IARS2: variants seen among roughly 807,000 people sequenced by gnomAD.
IARS2 encodes isoleucine--tRNA ligase, mitochondrial.
Under a neutral mutation model 126.3 loss-of-function variants are expected in IARS2, and 56 were observed. That is an observed-to-expected ratio of 0.44 (90% CI 0.36 to 0.55). IARS2 has a LOEUF of 0.55. IARS2 is among the 20% of genes least tolerant of loss of function. The pLI is 0.00. For missense variants in IARS2, 1,127 were observed against 1,245.9 expected (o/e 0.90, Z 1.44); for synonymous variants, 407 against 441.1 (o/e 0.92, Z 0.97).
In IARS2 at chr1:220,112,226, C is replaced by G. The variant is rs991602175; in HGVS notation, c.1479+1289C>G. Among the ~76,000 whole-genome samples the G allele has an allele frequency of 7.3e-4, 51 of 69,470 alleles. 9 individuals are homozygous for G. The highest frequency in any genetic ancestry group is 1.4e-3 in the Non-Finnish European group (48 of 33,380). The allele number at this position is 69,470 out of a possible 152,430, so 45.6% of individuals were successfully genotyped here. On this transcript the variant is annotated intron_variant, in intron 11 of 22. Transcript: ENST00000366922. ...CTCGGCTCACTGCAAGCTCCGCTTC[C>G]CGGGTTCACGCCATTCTCCTGCCTC...
At chr1:220,096,331 A>C (rs2102815375) in intron 2 of IARS2, 105 bp downstream of exon 2, 6 of 780,134 alleles carry the variant, frequency 7.7e-6, no homozygotes, top group East Asian at 5.8e-5. Context: ...TTAGATTTGC[A>C]CATAAAACTA....
intron 12 of IARS2, among the ~76,000 whole-genome samples, chr1:220,120,112 G>A (rs1657007367): frequency 7.4e-6 from 1 of 134,736 alleles, no homozygotes; most frequent in African/African-American, 2.8e-5. Flanking sequence ...TTGGAGTCTT[G>A]CTCTTGTTCC....
chr1:220,147,023 A>G (rs1657610775), intron 22 of IARS2, among the ~76,000 whole-genome samples: 1 of 152,178 alleles, frequency 6.6e-6, no homozygotes, highest in South Asian at 2.1e-4. Context: ...ACTTAGTTTT[A>G]TATTTTTATC....
At chr1:220,099,082 A>G (rs763018981) in intron 2 of IARS2, among the ~76,000 whole-genome samples, 20 of 151,954 alleles carry the variant, frequency 1.3e-4, no homozygotes, top group Admixed American at 2.6e-4. Flanking sequence ...GCATGGTGGC[A>G]TGTGCCTGTA....
chr1:220,134,500 G>A lies in IARS2; in HGVS notation c.1936G>A (p.Ala646Thr), dbSNP rs540857103. 4 of 1,610,006 alleles carry A rather than the reference G, an allele frequency of 2.5e-6. No individual in the cohort carries two copies. The East Asian group carries it at 8.9e-5, about 36-fold the overall frequency. Residue 646 changes from alanine to threonine, a missense_variant, in exon 15 of 23, where the codon GCA becomes ACA. Physicochemically the swap from Ala to Thr is moderately conservative, Grantham distance 58. Coordinates refer to ENST00000366922, the MANE Select transcript of IARS2 (RefSeq NM_018060.4). ...AACAAGTGTGGCAGCAAGGAAGAGAGCACCTTATAAGTAAGTATTTATGCC... is the reference window on the plus strand; with the variant it reads ...AACAAGTGTGGCAGCAAGGAAGAGAACACCTTATAAGTAAGTATTTATGCC... ...LLTSVAARKR[A>T]PYKTVIVHGF...
At chr1:220,108,734 G>A (rs965947508) in intron 10 of IARS2, among the ~76,000 whole-genome samples, 2 of 151,578 alleles carry the variant, frequency 1.3e-5, no homozygotes, top group Non-Finnish European at 2.9e-5. Context: ...GGCCAGGCTG[G>A]TCTCAAACTC....
At position 220,135,756 on chromosome 1, in the gene IARS2, T is replaced by C. The variant is rs148086686; in HGVS notation, c.1947-1053T>C. ...TTGTCTTTTGAAAATAATTTTGAGATGATAATCTGCTCTTTTTAAGACATA... is the reference window on the plus strand; with the variant it reads ...TTGTCTTTTGAAAATAATTTTGAGACGATAATCTGCTCTTTTTAAGACATA... On this transcript the variant is annotated intron_variant, in intron 15 of 22. Transcript: ENST00000366922. Among the ~76,000 whole-genome samples, 626 of 152,122 alleles carry C rather than the reference T, an allele frequency of 4.1e-3. 6 individuals are homozygous for C. Among genetic ancestry groups the C allele is most frequent in the African/African-American group, 0.014 (586 of 41,502 alleles).
intron 9 of IARS2, among the ~76,000 whole-genome samples, chr1:220,106,426 C>T (rs191626225): frequency 6.6e-6 from 1 of 151,966 alleles, no homozygotes; most frequent in Non-Finnish European, 1.5e-5. Flanking sequence ...CAAGTATTTC[C>T]GTTTAGTTAA....
At chr1:220,131,797 T>G (rs1272873721) in intron 14 of IARS2, among the ~76,000 whole-genome samples, 2 of 148,136 alleles carry the variant, frequency 1.4e-5, no homozygotes, top group East Asian at 2.0e-4. Context: ...CGTTGAATTT[T>G]TTTTTTTTTT....
chr1:220,103,819 T>C (rs554814778), intron 8 of IARS2, among the ~76,000 whole-genome samples: 1 of 152,346 alleles, frequency 6.6e-6, no homozygotes, highest in Non-Finnish European at 1.5e-5. Context: ...TAAAATTTTA[T>C]GCAAAATTAA....
In IARS2 at chr1:220,125,161, A is replaced by G. The variant is rs544588571; in HGVS notation, c.1641-76A>G. The G allele has an allele frequency of 1.7e-5, 14 of 814,982 alleles. No homozygotes were observed. The South Asian group carries it at 2.6e-4, about 15-fold the overall frequency. The allele number at this position is 814,982 out of a possible 1,614,324, so 50.5% of individuals were successfully genotyped here. ...TGAGGAAAAAGGAAAATAAATCACT[A>G]TTTCTTAATTTTAAAATGTTTGTTA... On this transcript the variant is annotated intron_variant, in intron 12 of 22. Transcript: ENST00000366922.
rs1463642319 is a variant in IARS2, at chr1:220,112,395, A to G, written c.1479+1458A>G. On this transcript the variant is annotated intron_variant, in intron 11 of 22. Transcript: ENST00000366922. Reference sequence around the variant, plus strand: ...ATGATCCACCCGCCTCGGCCTCCCAAAGTGCTGGGATTACAGGCGTGAGCC... The same window carrying G: ...ATGATCCACCCGCCTCGGCCTCCCAGAGTGCTGGGATTACAGGCGTGAGCC... 2.9e-4 allele frequency among the ~76,000 whole-genome samples: 43 copies of G among 147,252 alleles called. 13 individuals are homozygous for G. The East Asian group carries it at 8.2e-3, about 28-fold the overall frequency.
chr1:220,126,491 A>G (rs1229122064), intron 13 of IARS2, among the ~76,000 whole-genome samples: 1 of 152,190 alleles, frequency 6.6e-6, no homozygotes, highest in Non-Finnish European at 1.5e-5. Flanking sequence ...AAAATATCCA[A>G]ATTTAAAGTT....
At chr1:220,136,380 C>T (rs1657375363) in intron 15 of IARS2, among the ~76,000 whole-genome samples, 2 of 152,174 alleles carry the variant, frequency 1.3e-5, no homozygotes, top group Admixed American at 6.5e-5. Context: ...GATCTGCCTG[C>T]CTTGGCCTCC....
intron 15 of IARS2, among the ~76,000 whole-genome samples, chr1:220,136,534 G>A (rs1439844758): frequency 6.7e-6 from 1 of 150,136 alleles, no homozygotes; most frequent in Non-Finnish European, 1.5e-5. Flanking sequence ...GAGGTCAGGC[G>A]TAGGTAGGAG....
rs558366606 is a variant in IARS2, at chr1:220,120,759, ATC to A, written c.1641-4476_1641-4475del. 2.4e-3 allele frequency among the ~76,000 whole-genome samples: 371 copies of A among 152,298 alleles called. 2 individuals are homozygous for A. The highest frequency in any genetic ancestry group is 8.2e-3 in the African/African-American group (339 of 41,550). ...TATGTATGCATTGTGGAATGGCTAAATCTAGCTAATTAACATGTATTTGTTGG... is the reference window on the plus strand; with the variant it reads ...TATGTATGCATTGTGGAATGGCTAAATAGCTAATTAACATGTATTTGTTGG... On this transcript the variant is annotated intron_variant, in intron 12 of 22. Coordinates refer to ENST00000366922, the MANE Select transcript of IARS2 (RefSeq NM_018060.4).
At position 220,102,232 on chromosome 1, in the gene IARS2, G is replaced by A. The variant is rs988091643; in HGVS notation, c.654G>A (p.Lys218=). The change falls in exon 4 of 23, where the codon AAG becomes AAA. Residue 218 remains lysine, a synonymous_variant. Transcript: ENST00000366922. ...WNNCYYTFDG[K]YEAKQLRTFY... ...ATTGCTACTATACATTTGATGGGAA[G>A]TATGAAGCCAAACAGTTGAGAACTT... is the stretch of plus-strand genomic sequence containing the variant. The A allele has an allele frequency of 1.9e-6, 3 of 1,611,354 alleles. No homozygotes were observed. Among genetic ancestry groups the A allele is most frequent in the Non-Finnish European group, 2.5e-6 (3 of 1,179,406 alleles).
At position 220,143,035 on chromosome 1, in the gene IARS2, A is replaced by C; in HGVS notation, c.2652A>C (p.Ala884=). 3 of 1,614,190 alleles carry C rather than the reference A, an allele frequency of 1.9e-6. No homozygotes were observed. The highest frequency in any genetic ancestry group is 2.2e-5 in the South Asian group (2 of 91,086). The change falls in exon 21 of 23, where the codon GCA becomes GCC. Residue 884 remains alanine, a synonymous_variant. Coordinates refer to ENST00000366922, the MANE Select transcript of IARS2 (RefSeq NM_018060.4). ...GLEEAVESAC[A]MRDSFLGSIP... The stretch of plus-strand genomic sequence containing the variant: ...AAGAAGCTGTGGAGAGTGCGTGTGC[A>C]ATGCGAGACTCATTTCTTGGAAGCA...
At chr1:220,106,985 T>A in intron 9 of IARS2, 76 bp from the exon 10 acceptor site, 1 of 974,142 alleles carries the variant, frequency 1.0e-6, no homozygotes, top group East Asian at 2.4e-5. Flanking sequence ...GATGTTTTTA[T>A]ATATATTGTT....
Sources: allele counts gnomAD v4.1 joint callset (sites outside exome capture counted in the v4.1 genomes callset), GRCh38; gene constraint gnomAD v4.1.1; transcripts MANE v1.5; gene names NCBI Gene and HGNC (gene_info 2026-07-23, HGNC 2026-07-21).